The following DLG2 variants were observed in gnomAD, a reference collection of about 807,000 sequenced individuals.
DLG2 encodes the protein disks large homolog 2.
Under a neutral mutation model 132.5 loss-of-function variants are expected in DLG2, and 45 were observed. That is an observed-to-expected ratio of 0.34 (90% CI 0.27 to 0.44). DLG2 has a LOEUF of 0.44. Among genes scored for constraint, DLG2 ranks in the 20% least tolerant of loss-of-function variants. The pLI, the probability that DLG2 is intolerant of heterozygous loss-of-function variation, is 1.00. For missense variants in DLG2, 1,045 were observed against 1,196.9 expected (o/e 0.87, Z 1.87); for synonymous variants, 424 against 419.6 (o/e 1.01, Z -0.13).
In DLG2 at chr11:83,478,472, C is replaced by T. The variant is rs2092807170; in HGVS notation, c.2293+5657G>A. Reference sequence around the variant, plus strand: ...TATTCATTCAATAAACATTTATGTGCAACTAGTATTTAGAGTAAAAATAAT... The same window carrying T: ...TATTCATTCAATAAACATTTATGTGTAACTAGTATTTAGAGTAAAAATAAT... On this transcript the variant is annotated intron_variant, in intron 22 of 27. Transcript: ENST00000376104. 1.3e-5 allele frequency among the ~76,000 whole-genome samples: 2 copies of T among 151,980 alleles called. 1 individual carries two copies. The highest frequency in any genetic ancestry group is 4.1e-4 in the South Asian group (2 of 4,828).
chr11:85,465,119 A>AAAAAAAAAAAAAAG (rs2092739932), intron 3 of DLG2, among the ~76,000 whole-genome samples: 1 of 124,764 alleles, frequency 8.0e-6, no homozygotes, highest in Non-Finnish European at 1.7e-5. Context: ...AAAAAAAAAA[A>AAAAAAAAAAAAAAG]GAAGCAAGAT....
chr11:84,141,255 C>G (rs540429161), intron 9 of DLG2, among the ~76,000 whole-genome samples: 27 of 151,866 alleles, frequency 1.8e-4, no homozygotes, highest in Admixed American at 9.9e-4. Context: ...TATCTAGTGA[C>G]ATGCATAACT....
At chr11:85,173,968 G>A (rs1048414080) in intron 4 of DLG2, among the ~76,000 whole-genome samples, 3 of 152,062 alleles carry the variant, frequency 2.0e-5, no homozygotes, top group Non-Finnish European at 4.4e-5. Context: ...CCAAATTCAT[G>A]AAGAAAGTTC....
At chr11:84,881,333 T>A (rs1385209144) in intron 6 of DLG2, among the ~76,000 whole-genome samples, 2 of 152,040 alleles carry the variant, frequency 1.3e-5, no homozygotes, top group Non-Finnish European at 2.9e-5. Flanking sequence ...GACAAGCAAG[T>A]TTCATGAATT....
At chr11:83,949,361 T>C (rs914082459) in intron 14 of DLG2, among the ~76,000 whole-genome samples, 13 of 151,968 alleles carry the variant, frequency 8.6e-5, no homozygotes, top group Middle Eastern at 3.2e-3. Flanking sequence ...TTCCCTTCCT[T>C]ACCCCCATTT....
intron 7 of DLG2, among the ~76,000 whole-genome samples, chr11:84,396,787 C>G (rs756524846): frequency 6.6e-6 from 1 of 152,158 alleles, no homozygotes; most frequent in Non-Finnish European, 1.5e-5. Flanking sequence ...AGCTAACAAC[C>G]CTCACCCCCA....
At position 84,858,172 on chromosome 11, in the gene DLG2, C is replaced by T. The variant is rs149756658; in HGVS notation, c.357+253489G>A. On this transcript the variant is annotated intron_variant, in intron 6 of 27. Coordinates refer to ENST00000376104, the MANE Select transcript of DLG2 (RefSeq NM_001142699.3). ...CCTCCTAAAGTGCTGGGATTACAGG[C>T]GTGAGCCACCATGCCCAGCTAACCT... is the stretch of plus-strand genomic sequence containing the variant. Among the ~76,000 whole-genome samples, 45 of 152,106 alleles carry T rather than the reference C, an allele frequency of 3.0e-4. No homozygotes were observed. The East Asian group carries it at 6.4e-3, about 22-fold the overall frequency.
chr11:84,679,656 T>C (rs2099723789), intron 6 of DLG2, among the ~76,000 whole-genome samples: 1 of 152,244 alleles, frequency 6.6e-6, no homozygotes, highest in East Asian at 1.9e-4. Context: ...GAGTTTACTA[T>C]ATGTCAAAGT....
intron 18 of DLG2, chr11:83,786,349 C>A: frequency 4.9e-6 from 1 of 204,768 alleles, no homozygotes; most frequent in Non-Finnish European, 1.0e-5. Context: ...GATGAAATCT[C>A]TCCCTTTTGC....
rs190554803 is a variant in DLG2, at chr11:84,613,349, C to G, written c.358-78618G>C. On this transcript the variant is annotated intron_variant, in intron 6 of 27. Coordinates refer to ENST00000376104, the MANE Select transcript of DLG2 (RefSeq NM_001142699.3). ...CATCAAGGAGACACTCCATTAATGGCAAGTTCCCACAAAAATTTCAGACTA... is the reference window on the plus strand; with the variant it reads ...CATCAAGGAGACACTCCATTAATGGGAAGTTCCCACAAAAATTTCAGACTA... Among the ~76,000 whole-genome samples the G allele has an allele frequency of 1.3e-3, 197 of 152,186 alleles. 2 individuals carry two copies. The highest frequency in any genetic ancestry group is 4.4e-3 in the African/African-American group (181 of 41,548).
rs546400352 is a variant in DLG2 at position 85,273,408 on chromosome 11, G to GA, written c.186+11811dup. ...ACAAAGAACTTAAAAAAATTTACAAGAAAAAATCAAACAACCCCATCAAAA... is the reference window on the plus strand; with the variant it reads ...ACAAAGAACTTAAAAAAATTTACAAGAAAAAAATCAAACAACCCCATCAAAA... On this transcript the variant is annotated intron_variant, in intron 4 of 27. Coordinates refer to ENST00000376104, the MANE Select transcript of DLG2 (RefSeq NM_001142699.3). Among the ~76,000 whole-genome samples, 559 of 152,130 alleles carry GA rather than the reference G, an allele frequency of 3.7e-3. 3 individuals are homozygous for GA. The highest frequency in any genetic ancestry group is 0.013 in the African/African-American group (535 of 41,504).
chr11:84,958,413 T>C (rs1044859246), intron 6 of DLG2, among the ~76,000 whole-genome samples: 1 of 152,256 alleles, frequency 6.6e-6, no homozygotes, highest in African/African-American at 2.4e-5. Flanking sequence ...GCATCCCATA[T>C]GAACCCACAG....
intron 18 of DLG2, among the ~76,000 whole-genome samples, chr11:83,668,245 T>C (rs150005481): frequency 6.6e-6 from 1 of 152,234 alleles, no homozygotes; most frequent in East Asian, 1.9e-4. Context: ...GCTTTCAGAC[T>C]GATGCATAAA....
chr11:83,986,474 G>C (rs2093322983), intron 11 of DLG2, among the ~76,000 whole-genome samples: 1 of 150,204 alleles, frequency 6.7e-6, no homozygotes, highest in African/African-American at 2.5e-5. Flanking sequence ...GGACATTTGG[G>C]TTGGTTCCAA....
intron 27 of DLG2, 108 bp from the exon 28 acceptor site, chr11:83,460,032 G>A: frequency 1.8e-6 from 1 of 570,496 alleles, no homozygotes; most frequent in East Asian, 2.8e-5. Flanking sequence ...TGACTCATCA[G>A]GAAGCTTCAT....
chr11:84,159,600 G>T (rs1033813723), intron 9 of DLG2, among the ~76,000 whole-genome samples: 1 of 152,096 alleles, frequency 6.6e-6, no homozygotes, highest in African/African-American at 2.4e-5. Context: ...GAGAGGAGCA[G>T]GTGTCACATT....
chr11:83,888,154 C>T (rs1387523496), intron 15 of DLG2, among the ~76,000 whole-genome samples: 1 of 150,954 alleles, frequency 6.6e-6, no homozygotes, highest in African/African-American at 2.4e-5. Context: ...AAGAGGAAGT[C>T]AAATTGTCCC....
intron 6 of DLG2, among the ~76,000 whole-genome samples, chr11:85,048,643 A>G (rs1345699226): frequency 1.3e-5 from 2 of 152,030 alleles, no homozygotes; most frequent in Admixed American, 6.6e-5. Flanking sequence ...GAGCGATTCA[A>G]TATCTGTGGC....
chr11:85,235,359 C>T (rs2075530285), intron 4 of DLG2, among the ~76,000 whole-genome samples: 1 of 151,904 alleles, frequency 6.6e-6, no homozygotes, highest in South Asian at 2.1e-4. Flanking sequence ...GTCCTTTCAT[C>T]CATCCTTTCA....
Sources: allele counts gnomAD v4.1 joint callset (sites outside exome capture counted in the v4.1 genomes callset), GRCh38; gene constraint gnomAD v4.1.1; transcripts MANE v1.5; gene names NCBI Gene and HGNC (gene_info 2026-07-23, HGNC 2026-07-21).